MACO1: variants seen among roughly 807,000 people sequenced by gnomAD.
MACO1 encodes the protein macoilin.
Under a neutral mutation model 78.7 loss-of-function variants are expected in MACO1, and 14 were observed. That is an observed-to-expected ratio of 0.18 (90% CI 0.12 to 0.28). The LOEUF (loss-of-function observed/expected upper bound fraction) is 0.28, where lower values mean the gene tolerates loss of function less well. Ranked by LOEUF, MACO1 falls within the 10% of genes least tolerant of loss-of-function variation. The pLI, the probability that MACO1 is intolerant of heterozygous loss-of-function variation, is 1.00. For synonymous variants in MACO1, 288 were observed against 291.6 expected, an observed-to-expected ratio of 0.99 and a Z score of 0.12; for missense variants, 501 against 799.0, an observed-to-expected ratio of 0.63 and a Z score of 4.50.
At position 25,485,484 on chromosome 1, in the gene MACO1, T is replaced by C; in HGVS notation, c.1314-129T>C. ...GTGTTTTCCTCAGGCATTCTGGGCA[T>C]TGACATTTTTGATTTGCTGTTCAAA... is the stretch of plus-strand genomic sequence containing the variant. On this transcript the variant is annotated intron_variant, in intron 7 of 10. Coordinates refer to ENST00000374343, the MANE Select transcript of MACO1 (RefSeq NM_018202.6). This position sits in a 1 kb window ranked among gnomAD's most constrained non-coding sequence, Gnocchi z 4.3. 2 of 886,204 alleles carry C rather than the reference T, an allele frequency of 2.3e-6. No individual in the cohort carries two copies. The highest frequency in any genetic ancestry group is 3.4e-6 in the Non-Finnish European group (2 of 589,234). The allele number at this position is 886,204 out of a possible 1,614,324, so 54.9% of individuals were successfully genotyped here. A position where few individuals can be genotyped will look rare whatever the true frequency, so the allele number is the denominator to read the frequency against.
intron 8 of MACO1, among the ~76,000 whole-genome samples, chr1:25,488,433 C>T (rs1049328615): frequency 6.6e-6 from 1 of 152,114 alleles, no homozygotes; most frequent in African/African-American, 2.4e-5. Context: ...CTGACAGACC[C>T]TGGAGTATAA....
intron 6 of MACO1, among the ~76,000 whole-genome samples, chr1:25,473,562 T>C (rs1325788680): frequency 6.6e-6 from 1 of 152,236 alleles, no homozygotes; most frequent in Non-Finnish European, 1.5e-5. Flanking sequence ...TTTGAAAGTT[T>C]ACTCCCTAGA....
chr1:25,481,317 A>G (rs1202509132), intron 6 of MACO1, among the ~76,000 whole-genome samples: 1 of 152,190 alleles, frequency 6.6e-6, no homozygotes. Flanking sequence ...ATCAGCAGCC[A>G]TCTGTAAGTG....
At chr1:25,466,168 A>G (rs1415984631) in intron 6 of MACO1, among the ~76,000 whole-genome samples, 1 of 152,202 alleles carries the variant, frequency 6.6e-6, no homozygotes, top group African/African-American at 2.4e-5. Context: ...TTTACTTACA[A>G]TTCTTTGAGG....
In MACO1 at chr1:25,498,583, T is replaced by A; in HGVS notation, c.*117T>A. The A allele has an allele frequency of 1.0e-6, 1 of 978,782 alleles. No individual in the cohort carries two copies. Among genetic ancestry groups the A allele is most frequent in the Admixed American group, 2.6e-5 (1 of 37,788 alleles). The allele number at this position is 978,782 out of a possible 1,614,324, so 60.6% of individuals were successfully genotyped here. On this transcript the variant is annotated 3_prime_UTR_variant, in exon 11 of 11. Transcript: ENST00000374343. ...TTGTATTTTGTGGAACTGTATCTGT[T>A]GTCATTTTTAAAAAGGGGGGAAAAG... is the stretch of plus-strand genomic sequence containing the variant.
intron 7 of MACO1, among the ~76,000 whole-genome samples, chr1:25,484,649 A>G (rs1415771534): frequency 6.6e-6 from 1 of 152,224 alleles, no homozygotes; most frequent in Non-Finnish European, 1.5e-5. Context: ...TTTTATTTCC[A>G]GAACTAAAAG....
chr1:25,457,196 C>T (rs2043129375), intron 5 of MACO1, among the ~76,000 whole-genome samples: 1 of 151,984 alleles, frequency 6.6e-6, no homozygotes. Flanking sequence ...CCTCAAACTC[C>T]TGGGAGCAAA....
At chr1:25,455,455 A>G (rs2043110731) in intron 4 of MACO1, among the ~76,000 whole-genome samples, 2 of 152,228 alleles carry the variant, frequency 1.3e-5, no homozygotes, top group South Asian at 4.1e-4. Context: ...GTCTTTTTAC[A>G]AACAAGTAAA....
chr1:25,461,774 C>T (rs1204686118), intron 6 of MACO1, among the ~76,000 whole-genome samples: 2 of 152,062 alleles, frequency 1.3e-5, no homozygotes, highest in Non-Finnish European at 2.9e-5. Flanking sequence ...ACAATTTTTT[C>T]TAATATACAT....
intron 10 of MACO1, 66 bp downstream of exon 10, chr1:25,491,650 C>CT: frequency 1.4e-6 from 2 of 1,447,966 alleles, no homozygotes. Context: ...ACAGGCCAGA[C>CT]CTCTCCTGAG....
chr1:25,467,492 A>G (rs1386840221), intron 6 of MACO1, among the ~76,000 whole-genome samples: 1 of 152,188 alleles, frequency 6.6e-6, no homozygotes, highest in Non-Finnish European at 1.5e-5. Flanking sequence ...ACAAAATACT[A>G]AGTGATCCAT....
intron 8 of MACO1, among the ~76,000 whole-genome samples, chr1:25,486,826 A>T (rs936641142): frequency 2.6e-5 from 4 of 152,200 alleles, no homozygotes; most frequent in African/African-American, 9.7e-5. Flanking sequence ...ATACAGACTT[A>T]CAAGGCCCTT....
chr1:25,463,928 A>G (rs892303440), intron 6 of MACO1, among the ~76,000 whole-genome samples: 2 of 152,208 alleles, frequency 1.3e-5, no homozygotes, highest in African/African-American at 4.8e-5. Flanking sequence ...GTCCCCACAC[A>G]TGCCTAGCCT....
intron 1 of MACO1, among the ~76,000 whole-genome samples, chr1:25,437,795 C>G (rs545850259): frequency 2.9e-4 from 44 of 152,210 alleles, no homozygotes; most frequent in Non-Finnish European, 5.7e-4. Context: ...GTGTCACATT[C>G]CTGTAGTCCC....
intron 8 of MACO1, 120 bp from the exon 9 acceptor site, chr1:25,489,053 T>C: frequency 7.8e-7 from 1 of 1,281,224 alleles, no homozygotes; most frequent in Non-Finnish European, 1.0e-6. Flanking sequence ...ACCCCTGACC[T>C]CAAATAATCT....
At chr1:25,433,907 G>A (rs1212137810) in intron 1 of MACO1, among the ~76,000 whole-genome samples, 1 of 152,224 alleles carries the variant, frequency 6.6e-6, no homozygotes, top group Admixed American at 6.5e-5. Flanking sequence ...AGGAAATACT[G>A]TAAGATTTGG....
At chr1:25,448,190 C>A (rs1229902469) in intron 2 of MACO1, among the ~76,000 whole-genome samples, 2 of 152,066 alleles carry the variant, frequency 1.3e-5, no homozygotes, top group African/African-American at 4.8e-5. Flanking sequence ...CAGGGCCAGA[C>A]GTGGTGGTTC....
chr1:25,482,238 T>C (rs2043385452), intron 6 of MACO1, among the ~76,000 whole-genome samples: 1 of 152,204 alleles, frequency 6.6e-6, no homozygotes, highest in African/African-American at 2.4e-5. Context: ...CTCTTCTAAA[T>C]AAATATTGTT....
intron 10 of MACO1, among the ~76,000 whole-genome samples, chr1:25,494,549 G>A (rs999154153): frequency 6.6e-6 from 1 of 152,182 alleles, no homozygotes; most frequent in East Asian, 1.9e-4. Context: ...GACGTGTTCA[G>A]ACTGTTAAGC....
Sources: gnomAD v4.1 joint callset for allele counts (sites outside exome capture counted in the v4.1 genomes callset) on GRCh38, gnomAD v4.1.1 for gene constraint, Gnocchi (gnomAD v3.1) non-coding constraint, MANE v1.5 for transcripts, NCBI Gene and HGNC (gene_info 2026-07-23, HGNC 2026-07-21) for gene names.